TIMMDC1: variants seen among roughly 807,000 people sequenced by gnomAD.
TIMMDC1 encodes the protein translocase of inner mitochondrial membrane domain containing 1, also known as complex I assembly factor TIMMDC1, mitochondrial.
In TIMMDC1, 25 loss-of-function variants were observed where a neutral mutation model predicts 32.6. That is an observed-to-expected ratio of 0.77 (90% confidence interval 0.56 to 1.07). TIMMDC1 has a LOEUF of 1.07. Among genes scored for constraint, TIMMDC1 ranks in the 50% least tolerant of loss-of-function variants. The pLI, the probability that TIMMDC1 is intolerant of heterozygous loss-of-function variation, is 0.00. For synonymous variants in TIMMDC1, 130 were observed against 127.6 expected (o/e 1.02, Z -0.13); for missense variants, 329 against 349.2 (o/e 0.94, Z 0.46).
chr3:119,519,365 C>G (rs1185047874), intron 6 of TIMMDC1, among the ~76,000 whole-genome samples: 10 of 152,014 alleles, frequency 6.6e-5, no homozygotes. Context: ...CTACAAGAAA[C>G]TCACTTCACC....
intron 2 of TIMMDC1, among the ~76,000 whole-genome samples, chr3:119,501,227 A>G (rs911007996): frequency 6.6e-6 from 1 of 152,220 alleles, no homozygotes; most frequent in Non-Finnish European, 1.5e-5. Flanking sequence ...TTATAACTTT[A>G]TAGAGTGCTA....
At chr3:119,508,761 A>C (rs1416230056) in intron 4 of TIMMDC1, among the ~76,000 whole-genome samples, 2 of 152,184 alleles carry the variant, frequency 1.3e-5, no homozygotes, top group African/African-American at 4.8e-5. Context: ...GGAAAGCCTT[A>C]TTATATGTGT....
rs781632056 is a variant in TIMMDC1, at chr3:119,524,547, G to T, written c.*791G>T. ...GGAGCAAGGTTTGTGAAGCAGCATA[G>T]TGAGGTAGCTAAAGCCATGGGCTGG... On this transcript the variant is annotated 3_prime_UTR_variant, in exon 7 of 7. Transcript: ENST00000494664. The T allele has an allele frequency of 6.6e-6, 1 of 152,248 alleles. No homozygotes were observed. Among genetic ancestry groups the T allele is most frequent in the African/African-American group, 2.4e-5 (1 of 41,462 alleles). 9.4% of individuals were successfully genotyped at this position (152,248 alleles called of 1,614,324 possible). A position where few individuals can be genotyped will look rare whatever the true frequency, so the allele number is the denominator to read the frequency against.
At chr3:119,499,093 T>TAA (rs2081848201) in intron 1 of TIMMDC1, among the ~76,000 whole-genome samples, 166 bp downstream of exon 1, 1 of 11,706 alleles carries the variant, frequency 8.5e-5, no homozygotes, top group Non-Finnish European at 5.3e-4. Flanking sequence ...TTTTTCTTTC[T>TAA]TTTTTTTTTT....
chr3:119,499,092 CTT>C (rs11317621), intron 1 of TIMMDC1, 165 bp downstream of exon 1: 43,746 of 395,894 alleles, frequency 0.11, 4 homozygotes, highest in South Asian at 0.14. Flanking sequence ...TTTTTTCTTT[CTT>C]TTTTTTTTTT....
chr3:119,517,696 G>A (rs192251914), intron 6 of TIMMDC1, among the ~76,000 whole-genome samples: 2 of 152,266 alleles, frequency 1.3e-5, no homozygotes, highest in East Asian at 1.9e-4. Flanking sequence ...AGCCTAGCAG[G>A]GTGGCTCATG....
chr3:119,519,418 A>G (rs904066079), intron 6 of TIMMDC1, among the ~76,000 whole-genome samples: 1 of 152,192 alleles, frequency 6.6e-6, no homozygotes, highest in African/African-American at 2.4e-5. Flanking sequence ...ATAGAAAAGG[A>G]TGTTCATGCA....
At position 119,500,715 on chromosome 3, in the gene TIMMDC1, A is replaced by G. The variant is rs1158214713; in HGVS notation, c.215A>G (p.Lys72Arg). The change falls in exon 2 of 7, where the codon AAG becomes AGG. Residue 72 changes from lysine to arginine, a missense_variant. Physicochemically the swap from Lys to Arg is conservative, Grantham distance 26. Coordinates refer to ENST00000494664, the MANE Select transcript of TIMMDC1 (RefSeq NM_016589.4). ...TGTAGTGAACAGCAGAGAATTTCAAAGGACCTTGCTAATATCTGTAAGACG... is the reference window on the plus strand; with the variant it reads ...TGTAGTGAACAGCAGAGAATTTCAAGGGACCTTGCTAATATCTGTAAGACG... ...FGKDEQQRIS[K>R]DLANICKTAA... is the part of the protein sequence containing the mutation. 1 of 1,613,180 alleles carries G rather than the reference A, an allele frequency of 6.2e-7. No homozygotes were observed. Among genetic ancestry groups the G allele is most frequent in the South Asian group, 1.1e-5 (1 of 90,856 alleles).
intron 2 of TIMMDC1, among the ~76,000 whole-genome samples, chr3:119,502,134 C>T (rs1463854147): frequency 6.6e-6 from 1 of 152,138 alleles, no homozygotes; most frequent in Non-Finnish European, 1.5e-5. Context: ...ATTTCTACTA[C>T]TTAAATGCTA....
chr3:119,514,220 G>C (rs2081971818), intron 5 of TIMMDC1, among the ~76,000 whole-genome samples: 1 of 152,200 alleles, frequency 6.6e-6, no homozygotes. Context: ...AAAGTTGAAT[G>C]AATTAGTACA....
rs556501595 is a variant in TIMMDC1 at position 119,498,662 on chromosome 3, C to G, written c.-72C>G. ...CGGATTCTCACCTCGTACAGTTACG[C>G]TCTCCCGCGGCACGTCCGCGAGGAC... On this transcript the variant is annotated 5_prime_UTR_variant, in exon 1 of 7. Transcript: ENST00000494664. 4 of 1,482,212 alleles carry G rather than the reference C, an allele frequency of 2.7e-6. No individual in the cohort carries two copies. The African/African-American group carries it at 4.1e-5, about 15-fold the overall frequency. 91.8% of individuals were successfully genotyped at this position (1,482,212 alleles called of 1,614,324 possible).
At chr3:119,514,010 A>G (rs2081970727) in intron 5 of TIMMDC1, among the ~76,000 whole-genome samples, 3 of 152,216 alleles carry the variant, frequency 2.0e-5, no homozygotes, top group African/African-American at 7.2e-5. Context: ...CCTTTTTACC[A>G]GCTAAAACTG....
rs997181426 is a variant in TIMMDC1, at chr3:119,503,171, G to T, written c.361-361G>T. ...CATTGACACGTCATTCAAAGGAATT[G>T]CTCATTGGAGCATTTCAGATTTCGG... On this transcript the variant is annotated intron_variant, in intron 2 of 6. Transcript: ENST00000494664. 2.6e-5 allele frequency among the ~76,000 whole-genome samples: 4 copies of T among 152,156 alleles called. 1 individual carries two copies. Among genetic ancestry groups the T allele is most frequent in the Admixed American group, 1.3e-4 (2 of 15,276 alleles).
chr3:119,499,312 C>G (rs1348272695), intron 1 of TIMMDC1, among the ~76,000 whole-genome samples: 2 of 151,734 alleles, frequency 1.3e-5, no homozygotes, highest in East Asian at 3.8e-4. Context: ...GTTGCCTAGG[C>G]TGGTCTTGAA....
chr3:119,512,431 G>A (rs1204473170), intron 4 of TIMMDC1, among the ~76,000 whole-genome samples: 4 of 151,584 alleles, frequency 2.6e-5, no homozygotes, highest in African/African-American at 7.3e-5. Flanking sequence ...GGTGTGTGCC[G>A]CCATGCCCGG....
intron 1 of TIMMDC1, among the ~76,000 whole-genome samples, chr3:119,499,397 C>T (rs1300519531): frequency 1.2e-4 from 17 of 140,726 alleles, no homozygotes; most frequent in Middle Eastern, 4.8e-3. Context: ...ACCGCGCCAG[C>T]CCAAACTCGT....
chr3:119,514,910 C>G (rs554504739), intron 5 of TIMMDC1, among the ~76,000 whole-genome samples: 2 of 152,230 alleles, frequency 1.3e-5, no homozygotes, highest in South Asian at 2.1e-4. Context: ...TTCCTTGTGG[C>G]CAGGCACAGT....
intron 5 of TIMMDC1, among the ~76,000 whole-genome samples, chr3:119,515,047 A>G (rs1478212606): frequency 6.6e-6 from 1 of 151,918 alleles, no homozygotes; most frequent in Non-Finnish European, 1.5e-5. Flanking sequence ...AAAATTAGCC[A>G]GGTGTGGTGG....
intron 5 of TIMMDC1, 99 bp downstream of exon 5, chr3:119,513,818 T>C (rs2081969344): frequency 1.3e-6 from 1 of 743,940 alleles, no homozygotes; most frequent in Non-Finnish European, 2.1e-6. Context: ...AATTTAATCC[T>C]TAGAATCTAT....
Sources: gnomAD v4.1 joint callset for allele counts (sites outside exome capture counted in the v4.1 genomes callset) on GRCh38, gnomAD v4.1.1 for gene constraint, MANE v1.5 for transcripts, NCBI Gene and HGNC (gene_info 2026-07-23, HGNC 2026-07-21) for gene names.